TRIM37: variants seen among roughly 807,000 people sequenced by gnomAD.
The protein encoded by TRIM37 is E3 ubiquitin-protein ligase TRIM37.
TRIM37 carries 80 observed loss-of-function variants against 129.8 expected under a neutral mutation model. That is an observed-to-expected ratio of 0.62 (90% CI 0.51 to 0.74). The LOEUF (loss-of-function observed/expected upper bound fraction) is 0.74, where lower values mean the gene tolerates loss of function less well. Among genes scored for constraint, TRIM37 ranks in the 30% least tolerant of loss-of-function variants. The probability of loss-of-function intolerance (pLI) is 0.00; values close to 1 mark genes in which losing one functional copy is unlikely to be tolerated. For synonymous variants in TRIM37, 389 were observed against 387.1 expected (o/e 1.00, Z -0.06); for missense variants, 1,054 against 1,176.5 (o/e 0.90, Z 1.52).
At chr17:59,066,560 C>T (rs1312268262) in intron 9 of TRIM37, among the ~76,000 whole-genome samples, 2 of 152,132 alleles carry the variant, frequency 1.3e-5, no homozygotes, top group Non-Finnish European at 2.9e-5. Flanking sequence ...AGCTTCCAGG[C>T]TAAAGAGCAT....
chr17:59,088,089 C>G (rs2043938032), intron 4 of TRIM37: 1 of 613,930 alleles, frequency 1.6e-6, no homozygotes, highest in Non-Finnish European at 2.9e-6. Context: ...TCTGTGTATA[C>G]ATGGCATGAA....
chr17:58,982,687 G>A (rs2031429014), exon 25 of TRIM37: 1 of 477,476 alleles, frequency 2.1e-6, no homozygotes, highest in Admixed American at 3.6e-5. Context: ...TTTAAAATTT[G>A]GATGTAAGTA....
rs779597971 is a variant in TRIM37 at position 59,062,648 on chromosome 17, G to C, written c.861C>G (p.Ser287Arg). Residue 287 changes from serine (S) to arginine (R), a missense_variant and splice_region_variant, in exon 11 of 24, where the codon AGC becomes AGG. Around this residue, in one of 3 missense-constraint regions of TRIM37, gnomAD observed 752 missense variants for 870.8 expected, o/e 0.86. Transcript: ENST00000262294. ...DSATFVLENF[S>R]TLRQRADPVY... ...CAGGATCTGCTCTCTGACGCAAAGT[G>C]CTAACGAAAAAGAAAACCAACCAAA... The C allele has an allele frequency of 3.5e-5, 56 of 1,613,680 alleles. 2 individuals are homozygous for C. The South Asian group carries it at 6.0e-4, about 17-fold the overall frequency.
intron 13 of TRIM37, among the ~76,000 whole-genome samples, chr17:59,056,212 T>C (rs1216162710): frequency 6.6e-6 from 1 of 151,986 alleles, no homozygotes; most frequent in Non-Finnish European, 1.5e-5. Context: ...CCCCCTTTTT[T>C]TTTTCTTTTT....
the TRIM37 span, chr17:58,972,073 A>G: frequency 4.0e-6 from 6 of 1,513,928 alleles, no homozygotes; most frequent in East Asian, 9.1e-5. Context: ...TTGCTTCTCA[A>G]TAAGAATGTA....
the TRIM37 span, among the ~76,000 whole-genome samples, chr17:58,976,184 A>C: frequency 6.6e-6 from 1 of 152,264 alleles, no homozygotes; most frequent in East Asian, 1.9e-4. Flanking sequence ...AAGACGAGAG[A>C]GTAGAGAAGC....
chr17:58,992,844 A>G (rs1390520688), intron 24 of TRIM37, among the ~76,000 whole-genome samples: 2 of 152,192 alleles, frequency 1.3e-5, no homozygotes, highest in African/African-American at 4.8e-5. Flanking sequence ...AGCATACACT[A>G]GCAAGGCCCA....
chr17:59,093,060 G>C (rs2044539831), intron 2 of TRIM37, among the ~76,000 whole-genome samples: 1 of 152,136 alleles, frequency 6.6e-6, no homozygotes, highest in Non-Finnish European at 1.5e-5. Flanking sequence ...TGAGGCAGGA[G>C]AACTGCTTGA....
chr17:59,105,152 A>T (rs1334407790), intron 1 of TRIM37, among the ~76,000 whole-genome samples: 1 of 152,072 alleles, frequency 6.6e-6, no homozygotes, highest in Non-Finnish European at 1.5e-5. Flanking sequence ...ACACAACATG[A>T]ACTTTTAACT....
rs746428086 is a variant in TRIM37, at chr17:59,032,103, C to T, written c.1754-13G>A. The T allele has an allele frequency of 1.9e-5, 31 of 1,611,954 alleles. 1 individual carries two copies. The highest frequency in any genetic ancestry group is 1.5e-4 in the Admixed American group (9 of 59,980). ...CCATGGCTACTACCTGCAAAAGAGG[C>T]GTAGAAAATGATATATATATGCACA... On this transcript the variant is annotated splice_polypyrimidine_tract_variant and intron_variant, in intron 17 of 23. Coordinates refer to ENST00000262294, the MANE Select transcript of TRIM37 (RefSeq NM_015294.6).
intron 24 of TRIM37, among the ~76,000 whole-genome samples, chr17:58,992,926 CCAGA>C (rs767485699): frequency 1.8e-4 from 27 of 152,242 alleles, no homozygotes; most frequent in African/African-American, 3.6e-4. Flanking sequence ...AGGACAAAGG[CCAGA>C]CAAATTCTCT....
At chr17:59,090,418 C>A (rs1253782434) in intron 3 of TRIM37, among the ~76,000 whole-genome samples, 1 of 152,094 alleles carries the variant, frequency 6.6e-6, no homozygotes, top group Non-Finnish European at 1.5e-5. Context: ...TAGGCACAAT[C>A]ATACTGGATT....
At chr17:59,001,247 T>G (rs1284188452) in intron 23 of TRIM37, among the ~76,000 whole-genome samples, 1 of 151,342 alleles carries the variant, frequency 6.6e-6, no homozygotes, top group East Asian at 1.9e-4. Context: ...AATTCTTCTT[T>G]GTTTCTTTTG....
At chr17:58,990,555 G>A (rs944077224) in intron 24 of TRIM37, among the ~76,000 whole-genome samples, 3 of 151,764 alleles carry the variant, frequency 2.0e-5, no homozygotes, top group Admixed American at 6.6e-5. Context: ...CACTTTGGGA[G>A]GCTGAGGCAG....
chr17:58,983,099 G>T, intron 24 of TRIM37: 1 of 569,000 alleles, frequency 1.8e-6, no homozygotes, highest in Non-Finnish European at 3.0e-6. Flanking sequence ...CTTTCTCAGT[G>T]GGGAAAAAAA....
chr17:59,007,156 C>CAAA (rs2034594457), intron 22 of TRIM37, among the ~76,000 whole-genome samples: 1 of 34,744 alleles, frequency 2.9e-5, no homozygotes, highest in East Asian at 9.8e-4. Context: ...CCCCCACCCT[C>CAAA]CAACACACAC....
In TRIM37 at chr17:59,057,752, G is replaced by C. The variant is rs117201618; in HGVS notation, c.1020-698C>G. On this transcript the variant is annotated intron_variant, in intron 12 of 23. Coordinates refer to ENST00000262294, the MANE Select transcript of TRIM37 (RefSeq NM_015294.6). Reference sequence around the variant, plus strand: ...TTGGACAGGCTAGTATCAAACTCTTGACCTCAGATGATCCACCCTCCTTGA... The same window carrying C: ...TTGGACAGGCTAGTATCAAACTCTTCACCTCAGATGATCCACCCTCCTTGA... Among the ~76,000 whole-genome samples the C allele has an allele frequency of 2.1e-4, 32 of 152,178 alleles. No individual in the cohort carries two copies. The East Asian group carries it at 6.2e-3, about 29-fold the overall frequency.
chr17:59,091,256 T>C (rs1484104220), intron 3 of TRIM37, 44 bp downstream of exon 3: 1 of 1,518,740 alleles, frequency 6.6e-7, no homozygotes, highest in African/African-American at 1.4e-5. Context: ...CATTCTGATC[T>C]TACTATTTTC....
intron 20 of TRIM37, among the ~76,000 whole-genome samples, chr17:59,016,774 ACT>A (rs2035998644): frequency 6.6e-6 from 1 of 151,884 alleles, no homozygotes. Flanking sequence ...ACAGAGCAAG[ACT>A]CTGTCTCAGG....
Sources: allele counts gnomAD v4.1 joint callset (sites outside exome capture counted in the v4.1 genomes callset), GRCh38; gene constraint gnomAD v4.1.1; regional missense constraint gnomAD v4.1.1; transcripts MANE v1.5; gene names NCBI Gene and HGNC (gene_info 2026-07-23, HGNC 2026-07-21).